Variants in OLFM2 observed in about 807,000 individuals in gnomAD.
The protein encoded by OLFM2 is noelin-2.
A neutral mutation model predicts 43.9 loss-of-function variants in OLFM2; 20 were observed. That is an observed-to-expected ratio of 0.46 (90% confidence interval 0.32 to 0.66). The LOEUF is 0.66. Ranked by LOEUF, OLFM2 falls within the 30% of genes least tolerant of loss-of-function variation. OLFM2 has a pLI of 0.04. For missense variants in OLFM2, 416 were observed against 643.6 expected (o/e 0.65, Z 3.83); for synonymous variants, 268 against 278.6 (o/e 0.96, Z 0.38).
At chr19:9,886,007 G>A (rs2046583268) in intron 1 of OLFM2, among the ~76,000 whole-genome samples, 1 of 151,838 alleles carries the variant, frequency 6.6e-6, no homozygotes, top group Admixed American at 6.6e-5. Flanking sequence ...TGAGGTGGGA[G>A]GATTGCTAGA....
intron 1 of OLFM2, among the ~76,000 whole-genome samples, chr19:9,862,911 GGCAGCGAGCCGAGGTT>G (rs57956395): frequency 0.48 from 71,651 of 149,104 alleles, 17,878 homozygotes; most frequent in Admixed American, 0.57. Context: ...GCGGGGTGGG[GGCAGCGAGCCGAGGTT>G]GCAGTGAGCC....
At chr19:9,922,624 A>C (rs1189994852) in intron 1 of OLFM2, among the ~76,000 whole-genome samples, 1 of 152,136 alleles carries the variant, frequency 6.6e-6, no homozygotes, top group Non-Finnish European at 1.5e-5. Flanking sequence ...AGAATGTCTA[A>C]AACTAAAAAA....
intron 2 of OLFM2, among the ~76,000 whole-genome samples, chr19:9,859,466 A>T (rs1344756495): frequency 6.6e-6 from 1 of 152,110 alleles, no homozygotes; most frequent in African/African-American, 2.4e-5. Context: ...ACAGGCACAC[A>T]CCACCACGCC....
chr19:9,895,308 T>C (rs2046673743), intron 1 of OLFM2, among the ~76,000 whole-genome samples: 1 of 151,900 alleles, frequency 6.6e-6, no homozygotes, highest in African/African-American at 2.4e-5. Flanking sequence ...GGCAACATAC[T>C]AGGACCCTAA....
chr19:9,935,226 G>A (rs1026450704), intron 1 of OLFM2, among the ~76,000 whole-genome samples: 1 of 152,164 alleles, frequency 6.6e-6, no homozygotes, highest in African/African-American at 2.4e-5. Flanking sequence ...AAATTAGCAC[G>A]TAATGAATGA....
chr19:9,913,588 G>A lies in OLFM2; in HGVS notation c.63+22716C>T, dbSNP rs1599497307. 11 of 1,303,494 alleles carry A rather than the reference G, an allele frequency of 8.4e-6. No homozygotes were observed. In the East Asian group the frequency reaches 2.2e-4, roughly 26 times the overall value. The allele number at this position is 1,303,494 out of a possible 1,614,324, so 80.7% of individuals were successfully genotyped here. ...TGACCATGGCCATGGTGCTCAGCAC[G>A]GCCCCGATCTTGAGCAGCGGCACCG... On this transcript the variant is annotated intron_variant, in intron 1 of 5. Transcript: ENST00000264833.
In OLFM2 at chr19:9,853,885, GAGAC is replaced by G. The variant is rs1182469025; in HGVS notation, c.*297_*300del. ...GGAGGGGTGGAAGGACAGAGAGAGAGAGACAGAGAGAGGCAGAGACGGAAAGAAC... is the reference window on the plus strand; with the variant it reads ...GGAGGGGTGGAAGGACAGAGAGAGAGAGAGAGAGGCAGAGACGGAAAGAAC... On this transcript the variant is annotated 3_prime_UTR_variant, in exon 6 of 6. Transcript: ENST00000264833. The G allele has an allele frequency of 7.3e-5, 41 of 559,684 alleles. No individual in the cohort carries two copies. Among genetic ancestry groups the G allele is most frequent in the East Asian group, 7.0e-4 (24 of 34,314 alleles). The allele number at this position is 559,684 out of a possible 1,614,324, so 34.7% of individuals were successfully genotyped here.
intron 5 of OLFM2, among the ~76,000 whole-genome samples, chr19:9,855,799 G>C (rs1388436750): frequency 6.6e-6 from 1 of 152,010 alleles, no homozygotes; most frequent in Non-Finnish European, 1.5e-5. Flanking sequence ...GCCTCCTAAA[G>C]TGCTGGGATT....
intron 1 of OLFM2, among the ~76,000 whole-genome samples, chr19:9,911,989 C>T (rs574561225): frequency 8.3e-4 from 126 of 152,260 alleles, no homozygotes; most frequent in African/African-American, 2.9e-3. Flanking sequence ...GATACGTCCA[C>T]ACCCAAGCAC....
At position 9,860,639 on chromosome 19, in the gene OLFM2, T is replaced by C. The variant is rs763821319; in HGVS notation, c.213+6A>G. 1.9e-6 allele frequency: 3 copies of C among 1,576,956 alleles called. No homozygotes were observed. Among genetic ancestry groups the C allele is most frequent in the Non-Finnish European group, 2.6e-6 (3 of 1,160,442 alleles). ...GCTGCCCCCAGGGTACCTGGAAGGT[T>C]CTCACCTTCTCCATCAGTTGCCGCA... On this transcript the variant is annotated splice_donor_region_variant and intron_variant, in intron 2 of 5. Coordinates refer to ENST00000264833, the MANE Select transcript of OLFM2 (RefSeq NM_058164.4).
At chr19:9,912,619 G>A (rs995394252) in intron 1 of OLFM2, among the ~76,000 whole-genome samples, 1 of 151,976 alleles carries the variant, frequency 6.6e-6, no homozygotes, top group South Asian at 2.1e-4. Flanking sequence ...AGGACACCAC[G>A]GGGAGAACCC....
intron 1 of OLFM2, among the ~76,000 whole-genome samples, chr19:9,865,168 C>CTT (rs35685928): frequency 4.2e-5 from 6 of 143,908 alleles, no homozygotes; most frequent in African/African-American, 1.3e-4. Flanking sequence ...TTCTTCTCCT[C>CTT]TTTTTTTTTT....
At chr19:9,931,246 TTTTC>T (rs1229799073) in intron 1 of OLFM2, among the ~76,000 whole-genome samples, 18 of 152,050 alleles carry the variant, frequency 1.2e-4, no homozygotes, top group African/African-American at 3.6e-4. Flanking sequence ...AGAAGATGGG[TTTTC>T]TTTCTTTCTT....
At chr19:9,888,767 T>C (rs1340432865) in intron 1 of OLFM2, among the ~76,000 whole-genome samples, 1 of 152,080 alleles carries the variant, frequency 6.6e-6, no homozygotes, top group East Asian at 1.9e-4. Flanking sequence ...TGGTATCCAT[T>C]TGTTATTTTT....
chr19:9,915,661 G>A (rs1276690182), intron 1 of OLFM2, among the ~76,000 whole-genome samples: 1 of 152,026 alleles, frequency 6.6e-6, no homozygotes, highest in African/African-American at 2.4e-5. Context: ...GGGACTACAG[G>A]CACCCACCAC....
Position 9,857,817 on chromosome 19 carries a change from C to A in OLFM2, c.258G>T (p.Thr86=). Residue 86 remains threonine (T), a synonymous_variant, in exon 3 of 6, where the codon ACG becomes ACT. Coordinates refer to ENST00000264833, the MANE Select transcript of OLFM2 (RefSeq NM_058164.4). The surrounding 1 kb of genome is among the most constrained non-coding windows in gnomAD (Gnocchi z 5.7). ...CGCGTACATACTGGAGGTCGCGATA[C>A]GTCCGCAACTCAAGGACCTCCATGG... ...SQSMEVLELR[T]YRDLQYVRGM... The A allele has an allele frequency of 6.2e-7, 1 of 1,614,098 alleles. No homozygotes were observed. The highest frequency in any genetic ancestry group is 8.5e-7 in the Non-Finnish European group (1 of 1,180,038).
intron 1 of OLFM2, among the ~76,000 whole-genome samples, chr19:9,889,450 A>C (rs1441751997): frequency 6.6e-6 from 1 of 151,812 alleles, no homozygotes. Flanking sequence ...GGGTCTCACT[A>C]TGTTGCCCAG....
At chr19:9,862,924 G>A in intron 1 of OLFM2, among the ~76,000 whole-genome samples, 1 of 41,164 alleles carries the variant, frequency 2.4e-5, no homozygotes, top group African/African-American at 6.5e-5. Flanking sequence ...AGCGAGCCGA[G>A]GTTGCAGTGA....
At chr19:9,892,707 A>C (rs780849250) in intron 1 of OLFM2, among the ~76,000 whole-genome samples, 12 of 152,138 alleles carry the variant, frequency 7.9e-5, no homozygotes, top group South Asian at 4.1e-4. Context: ...CAAATCAAAT[A>C]AAAATAAAAT....
Sources: gnomAD v4.1 joint callset for allele counts (sites outside exome capture counted in the v4.1 genomes callset) on GRCh38, gnomAD v4.1.1 for gene constraint, Gnocchi (gnomAD v3.1) non-coding constraint, MANE v1.5 for transcripts, NCBI Gene and HGNC (gene_info 2026-07-23, HGNC 2026-07-21) for gene names.